The following SBF2 variants were observed in gnomAD, a reference collection of about 807,000 sequenced individuals.
SBF2 encodes the protein SET binding factor 2.
In SBF2, 112 loss-of-function variants were observed where a neutral mutation model predicts 225.2. The ratio of observed to expected loss-of-function variants is 0.50; its 90% CI spans 0.43 to 0.58. The LOEUF (loss-of-function observed/expected upper bound fraction) is 0.58. SBF2 is among the 20% of genes least tolerant of loss of function. The pLI, the probability that SBF2 is intolerant of heterozygous loss-of-function variation, is 0.00. For synonymous variants in SBF2, 763 were observed against 773.3 expected (o/e 0.99, Z 0.22); for missense variants, 1,996 against 2,206.2 (o/e 0.90, Z 1.91).
At chr11:10,018,508 G>A (rs942514890) in intron 6 of SBF2, among the ~76,000 whole-genome samples, 1 of 152,134 alleles carries the variant, frequency 6.6e-6, no homozygotes, top group African/African-American at 2.4e-5. Flanking sequence ...AGAACTTTGT[G>A]ACAAGGAAGA....
chr11:10,235,684 T>C lies in SBF2; in HGVS notation c.56-41697A>G, dbSNP rs144765391. On this transcript the variant is annotated intron_variant, in intron 1 of 39. Transcript: ENST00000256190. ...TATAGTTCATATTGTAATTTCTCAA[T>C]GACTATCACTGACCAGATCCTAGGA... Among the ~76,000 whole-genome samples, 67 of 152,356 alleles carry C rather than the reference T, an allele frequency of 4.4e-4. 2 individuals carry two copies. In the East Asian group the frequency reaches 0.012, roughly 26 times the overall value.
chr11:9,919,270 CTT>C (rs779718076), intron 16 of SBF2, among the ~76,000 whole-genome samples: 2 of 139,900 alleles, frequency 1.4e-5, no homozygotes, highest in African/African-American at 5.4e-5. Context: ...TCTTCTTCTT[CTT>C]TTTTTTTTTT....
intron 33 of SBF2, among the ~76,000 whole-genome samples, chr11:9,795,394 G>A (rs1458970981): frequency 6.6e-6 from 1 of 152,170 alleles, no homozygotes; most frequent in African/African-American, 2.4e-5. Context: ...GCTCAGAGAG[G>A]TACTTAACCC....
chr11:9,912,673 G>T (rs1238563325), intron 16 of SBF2, among the ~76,000 whole-genome samples: 5 of 152,200 alleles, frequency 3.3e-5, no homozygotes, highest in Admixed American at 6.5e-5. Flanking sequence ...ATGTGGCCCA[G>T]GGAAGCCAAA....
chr11:9,780,223 G>A lies in SBF2; in HGVS notation c.*195C>T. The A allele has an allele frequency of 1.6e-6, 1 of 633,044 alleles. No homozygotes were observed. The highest frequency in any genetic ancestry group is 2.9e-6 in the Non-Finnish European group (1 of 347,498). The allele number at this position is 633,044 out of a possible 1,614,324, so 39.2% of individuals were successfully genotyped here. A position where few individuals can be genotyped will look rare whatever the true frequency, so the allele number is the denominator to read the frequency against. On this transcript the variant is annotated 3_prime_UTR_variant, in exon 40 of 40. Transcript: ENST00000256190. ...AGTGCAAGATACAGGGAGTGCATGGGGCTGTTGACCAGACCTGTGTGAAAC... is the reference window on the plus strand; with the variant it reads ...AGTGCAAGATACAGGGAGTGCATGGAGCTGTTGACCAGACCTGTGTGAAAC...
chr11:10,142,683 C>A (rs1028256443), intron 2 of SBF2, among the ~76,000 whole-genome samples: 1 of 152,134 alleles, frequency 6.6e-6, no homozygotes, highest in African/African-American at 2.4e-5. Flanking sequence ...GTGAAGTCAC[C>A]ATTCTCTACA....
intron 2 of SBF2, among the ~76,000 whole-genome samples, chr11:10,094,168 T>C (rs963245321): frequency 1.3e-5 from 2 of 152,108 alleles, no homozygotes; most frequent in East Asian, 3.9e-4. Context: ...CTGTCTCTAC[T>C]AAAAATACAA....
intron 6 of SBF2, among the ~76,000 whole-genome samples, chr11:10,004,501 G>A (rs1948101952): frequency 6.8e-6 from 1 of 147,220 alleles, no homozygotes; most frequent in Non-Finnish European, 1.5e-5. Context: ...CCAAGCCAAA[G>A]GGAAGTCAAG....
chr11:9,883,693 G>A (rs1860016044), intron 17 of SBF2, among the ~76,000 whole-genome samples: 1 of 152,096 alleles, frequency 6.6e-6, no homozygotes, highest in Admixed American at 6.5e-5. Context: ...TCGATGTTGA[G>A]GTTCCTCATT....
At chr11:10,061,719 C>G (rs1355223492) in intron 2 of SBF2, among the ~76,000 whole-genome samples, 1 of 152,188 alleles carries the variant, frequency 6.6e-6, no homozygotes, top group Non-Finnish European at 1.5e-5. Flanking sequence ...AAAAACATCC[C>G]ATGCTCATGT....
At chr11:10,237,121 C>A (rs1959104140) in intron 1 of SBF2, among the ~76,000 whole-genome samples, 1 of 152,070 alleles carries the variant, frequency 6.6e-6, no homozygotes, top group East Asian at 1.9e-4. Flanking sequence ...CTGAGGCGGG[C>A]AGATCACCTG....
At chr11:10,061,024 T>A (rs1264445344) in intron 2 of SBF2, among the ~76,000 whole-genome samples, 1 of 151,222 alleles carries the variant, frequency 6.6e-6, no homozygotes, top group Non-Finnish European at 1.5e-5. Context: ...CGAGACTCCA[T>A]CTCAAAAAAA....
chr11:10,005,806 A>G (rs144211643), intron 6 of SBF2, among the ~76,000 whole-genome samples: 2 of 152,192 alleles, frequency 1.3e-5, no homozygotes, highest in East Asian at 3.9e-4. Context: ...CCCTGTACAC[A>G]GTTTCGTTTG....
intron 8 of SBF2, among the ~76,000 whole-genome samples, chr11:9,999,097 C>A (rs1412309054): frequency 1.3e-5 from 2 of 152,142 alleles, no homozygotes; most frequent in Non-Finnish European, 2.9e-5. Flanking sequence ...AAATAACTTA[C>A]ATAAAAGTGT....
intron 17 of SBF2, among the ~76,000 whole-genome samples, chr11:9,864,906 A>G (rs536670496): frequency 5.9e-5 from 9 of 151,982 alleles, no homozygotes; most frequent in South Asian, 4.2e-4. Context: ...ATTTTTGGCC[A>G]GTTTTTATTT....
At chr11:9,967,280 G>A (rs1185333398) in intron 14 of SBF2, among the ~76,000 whole-genome samples, 2 of 151,974 alleles carry the variant, frequency 1.3e-5, no homozygotes, top group Admixed American at 1.3e-4. Context: ...GCTGAGGCAG[G>A]AGAACGGTGT....
In SBF2 at chr11:9,850,197, G is replaced by C. The variant is rs1256780818; in HGVS notation, c.2632C>G (p.Leu878Val). Reference protein sequence around the residue: ...IQKPKILRPALLPGEEIVCEG... With the variant: ...IQKPKILRPAVLPGEEIVCEG... ...CAGACAATTTCTTCTCCTGGCAGCA[G>C]AGCAGGTCTAAGAATCTTGGGCTTA... is the stretch of plus-strand genomic sequence containing the variant. Residue 878 changes from leucine (L) to valine (V), a missense_variant, in exon 22 of 40, where the codon CTG (leucine) becomes GTG (valine). Coordinates refer to ENST00000256190, the MANE Select transcript of SBF2 (RefSeq NM_030962.4). The C allele has an allele frequency of 2.5e-6, 4 of 1,613,574 alleles. No individual in the cohort carries two copies. The highest frequency in any genetic ancestry group is 1.7e-5 in the Admixed American group (1 of 60,018).
chr11:10,017,538 C>T (rs1248693988), intron 6 of SBF2, among the ~76,000 whole-genome samples: 2 of 152,098 alleles, frequency 1.3e-5, no homozygotes, highest in African/African-American at 2.4e-5. Flanking sequence ...TTAACTAAAA[C>T]TTTATATAAA....
chr11:10,161,799 T>C (rs1211895627), intron 2 of SBF2, among the ~76,000 whole-genome samples: 2 of 117,416 alleles, frequency 1.7e-5, no homozygotes, highest in African/African-American at 6.1e-5. Flanking sequence ...GACCTCCTTC[T>C]CTACAAAAAA....
Sources: allele counts gnomAD v4.1 joint callset (sites outside exome capture counted in the v4.1 genomes callset), GRCh38; gene constraint gnomAD v4.1.1; transcripts MANE v1.5; gene names NCBI Gene and HGNC (gene_info 2026-07-23, HGNC 2026-07-21).